FLT1: variants seen among roughly 807,000 people sequenced by gnomAD.
The protein encoded by FLT1 is fms related receptor tyrosine kinase 1.
FLT1 carries 49 observed loss-of-function variants against 156.3 expected under a neutral mutation model. The ratio of observed to expected loss-of-function variants is 0.31; its 90% CI spans 0.25 to 0.40. FLT1 has a LOEUF of 0.40. FLT1 is among the 10% of genes least tolerant of loss of function. The probability of loss-of-function intolerance (pLI) is 1.00; values close to 1 mark genes in which losing one functional copy is unlikely to be tolerated. For missense variants in FLT1, 1,322 were observed against 1,637.2 expected (o/e 0.81, Z 3.32); for synonymous variants, 594 against 583.8 (o/e 1.02, Z -0.25).
At chr13:28,435,231 T>A (rs1015031541) in intron 4 of FLT1, among the ~76,000 whole-genome samples, 2 of 152,224 alleles carry the variant, frequency 1.3e-5, no homozygotes, top group African/African-American at 2.4e-5. Flanking sequence ...TGCTCTCTAA[T>A]GCTCAGAAGT....
chr13:28,427,093 T>TA (rs1035298554), intron 10 of FLT1, 66 bp downstream of exon 10: 5 of 1,424,634 alleles, frequency 3.5e-6, no homozygotes, highest in East Asian at 4.5e-5. Context: ...CTGCGTCCAT[T>TA]AAAAAATCTT....
chr13:28,454,418 G>T (rs145424677), intron 3 of FLT1, among the ~76,000 whole-genome samples: 1 of 152,144 alleles, frequency 6.6e-6, no homozygotes, highest in Non-Finnish European at 1.5e-5. Context: ...ACCAAACACC[G>T]TCCTAAATGT....
At chr13:28,412,365 TTTC>T in intron 10 of FLT1, among the ~76,000 whole-genome samples, 1 of 95,312 alleles carries the variant, frequency 1.0e-5, no homozygotes, top group East Asian at 3.3e-4. Context: ...TCTTTCTTTC[TTTC>T]TTTCTTTCTT....
Position 28,340,041 on chromosome 13 carries a change from C to T in FLT1, c.2356-741G>A, listed in dbSNP as rs1285128855. ...ACCAGGCTGGCCAACATGATGAATCCCTGACTCTACTAAAAATACAAAAAT... is the reference window on the plus strand; with the variant it reads ...ACCAGGCTGGCCAACATGATGAATCTCTGACTCTACTAAAAATACAAAAAT... On this transcript the variant is annotated intron_variant, in intron 16 of 29. Coordinates refer to ENST00000282397, the MANE Select transcript of FLT1 (RefSeq NM_002019.4). Among the ~76,000 whole-genome samples the T allele has an allele frequency of 3.9e-5, 6 of 151,910 alleles. 1 individual carries two copies.
intron 15 of FLT1, 37 bp downstream of exon 15, chr13:28,357,517 G>T: frequency 6.2e-7 from 1 of 1,610,234 alleles, no homozygotes; most frequent in South Asian, 1.1e-5. Context: ...ATAGATGTCT[G>T]ACCAATTTCT....
chr13:28,384,026 A>G lies in FLT1; in HGVS notation c.2116+859T>C, dbSNP rs901790064. Among the ~76,000 whole-genome samples the G allele has an allele frequency of 2.0e-5, 3 of 152,372 alleles. No homozygotes were observed. In the South Asian group the frequency reaches 6.2e-4, roughly 32 times the overall value. Reference sequence around the variant, plus strand: ...ATGGCACTATATGTATTGTTGAAAGAAAATAAACCTATACCCACTGGTGTA... The same window carrying G: ...ATGGCACTATATGTATTGTTGAAAGGAAATAAACCTATACCCACTGGTGTA... On this transcript the variant is annotated intron_variant, in intron 14 of 29. Coordinates refer to ENST00000282397, the MANE Select transcript of FLT1 (RefSeq NM_002019.4).
chr13:28,443,838 C>A (rs1052015154), intron 3 of FLT1, among the ~76,000 whole-genome samples: 11 of 152,104 alleles, frequency 7.2e-5, no homozygotes, highest in Non-Finnish European at 1.5e-4. Context: ...ACTTACACTG[C>A]CTATCAAAGC....
chr13:28,353,646 A>T (rs1872804123), intron 15 of FLT1, among the ~76,000 whole-genome samples: 1 of 152,136 alleles, frequency 6.6e-6, no homozygotes, highest in Non-Finnish European at 1.5e-5. Flanking sequence ...GCATAGCTTA[A>T]GTCCTTGGAT....
chr13:28,427,845 C>A lies in FLT1; in HGVS notation c.1183G>T (p.Val395Leu). The change falls in exon 9 of 30, where the codon GTA becomes TTA. Residue 395 changes from valine to leucine, a missense_variant. Transcript: ENST00000282397. ...TAATTCCCTGCATCCTCTTCAGTTA[C>A]GTCCTTGATAATTAACGAGTAGCCA... ...TRGYSLIIKD[V>L]TEEDAGNYTI... 1 of 1,613,698 alleles carries A rather than the reference C, an allele frequency of 6.2e-7. No individual in the cohort carries two copies. The highest frequency in any genetic ancestry group is 8.5e-7 in the Non-Finnish European group (1 of 1,179,658).
intron 3 of FLT1, among the ~76,000 whole-genome samples, chr13:28,463,039 G>A (rs939452601): frequency 2.6e-5 from 4 of 152,108 alleles, no homozygotes; most frequent in Non-Finnish European, 4.4e-5. Flanking sequence ...TGAAGAGAAC[G>A]ATGCTTCATT....
chr13:28,456,533 C>A (rs1179429739), intron 3 of FLT1, among the ~76,000 whole-genome samples: 2 of 152,086 alleles, frequency 1.3e-5, no homozygotes, highest in Non-Finnish European at 2.9e-5. Flanking sequence ...CACAGTGGCT[C>A]ATGCCTGTAA....
chr13:28,434,234 G>A lies in FLT1; in HGVS notation c.514-14C>T, dbSNP rs1282060831. 5.6e-6 allele frequency: 9 copies of A among 1,613,450 alleles called. No individual in the cohort carries two copies. The highest frequency in any genetic ancestry group is 4.5e-5 in the East Asian group (2 of 44,864). ...GTCAAGTGGAAACTGAAAAGGAAGA[G>A]GCATGCATTAACAAGGTCCTATTAG... On this transcript the variant is annotated splice_polypyrimidine_tract_variant and intron_variant, in intron 4 of 29. Coordinates refer to ENST00000282397, the MANE Select transcript of FLT1 (RefSeq NM_002019.4).
chr13:28,403,092 C>T (rs1041017020), intron 11 of FLT1, among the ~76,000 whole-genome samples: 1 of 152,118 alleles, frequency 6.6e-6, no homozygotes, highest in African/African-American at 2.4e-5. Flanking sequence ...CTGCGTCTGG[C>T]CTTCATTATG....
rs1184855595 is a variant in FLT1, at chr13:28,433,828, G to A, written c.804C>T (p.Tyr268=). The A allele has an allele frequency of 7.4e-6, 12 of 1,613,832 alleles. No individual in the cohort carries two copies. The highest frequency in any genetic ancestry group is 7.6e-6 in the Non-Finnish European group (9 of 1,179,854). ...LNTRVQMTWS[Y]PDEKNKRASV... ...AAAATGGGTCACTCACTTCATCAGG[G>A]TAACTCCAGGTCATTTGAACTCTCG... Residue 268 remains tyrosine, a synonymous_variant, in exon 6 of 30, where the codon TAC becomes TAT. Transcript: ENST00000282397.
intron 24 of FLT1, 111 bp from the exon 25 acceptor site, chr13:28,317,708 A>G (rs1871262862): frequency 6.7e-6 from 5 of 740,818 alleles, no homozygotes; most frequent in Non-Finnish European, 1.2e-5. Flanking sequence ...CGTTTTAGTA[A>G]TAAATTCCCA....
At position 28,381,699 on chromosome 13, in the gene FLT1, C is replaced by T. The variant is rs116255441; in HGVS notation, c.2116+3186G>A. 5.2e-3 allele frequency among the ~76,000 whole-genome samples: 785 copies of T among 152,296 alleles called. 6 individuals carry two copies. The highest frequency in any genetic ancestry group is 0.018 in the African/African-American group (744 of 41,568). ...AAGGGACTAGCTTTCCACAAAACTA[C>T]CCATCTTGGTAGTGTGTCATCTTAG... On this transcript the variant is annotated intron_variant, in intron 14 of 29. Coordinates refer to ENST00000282397, the MANE Select transcript of FLT1 (RefSeq NM_002019.4).
chr13:28,427,627 G>A, intron 9 of FLT1, 125 bp downstream of exon 9: 1 of 897,494 alleles, frequency 1.1e-6, no homozygotes. Context: ...AACGTTAAGT[G>A]TTTTTTCAAA....
Position 28,431,327 on chromosome 13 carries a change from T to C in FLT1, c.814-17A>G. The C allele has an allele frequency of 3.1e-6, 5 of 1,591,730 alleles. No homozygotes were observed. Among genetic ancestry groups the C allele is most frequent in the East Asian group, 2.2e-5 (1 of 44,762 alleles). ...CTTATTTTTCTAGAAAGAAAATGTA[T>C]AACAAATGTAGAAGGAGTGAGTGTT... is the stretch of plus-strand genomic sequence containing the variant. On this transcript the variant is annotated splice_polypyrimidine_tract_variant and intron_variant, in intron 6 of 29. Coordinates refer to ENST00000282397, the MANE Select transcript of FLT1 (RefSeq NM_002019.4).
In FLT1 at chr13:28,319,463, C is replaced by T. The variant is rs903709651; in HGVS notation, c.3246G>A (p.Val1082=). 4.3e-6 allele frequency: 7 copies of T among 1,613,804 alleles called. No homozygotes were observed. The African/African-American group carries it at 6.7e-5, about 15-fold the overall frequency. ...CCCACAGCAATACTCCGTAAGACCA[C>T]ACGTCGCTCTTGGTGCTGTAGATTT... is the stretch of plus-strand genomic sequence containing the variant. ...FDKIYSTKSD[V]WSYGVLLWEI... The change falls in exon 24 of 30, where the codon GTG becomes GTA. Residue 1082 remains valine, a synonymous_variant. Coordinates refer to ENST00000282397, the MANE Select transcript of FLT1 (RefSeq NM_002019.4).
Sources: allele counts gnomAD v4.1 joint callset (sites outside exome capture counted in the v4.1 genomes callset), GRCh38; gene constraint gnomAD v4.1.1; transcripts MANE v1.5; gene names NCBI Gene and HGNC (gene_info 2026-07-23, HGNC 2026-07-21).